The following UBE3B variants were observed in gnomAD, a reference collection of about 807,000 sequenced individuals.
The protein encoded by UBE3B is ubiquitin-protein ligase E3B.
UBE3B carries 80 observed loss-of-function variants against 132.3 expected under a neutral mutation model. The observed-to-expected ratio is 0.60, with a 90% CI of 0.50 to 0.73. The LOEUF is 0.73. Ranked by LOEUF, UBE3B falls within the 30% of genes least tolerant of loss-of-function variation. The probability of loss-of-function intolerance (pLI) is 0.00; values close to 1 mark genes in which losing one functional copy is unlikely to be tolerated. For missense variants in UBE3B, 1,196 were observed against 1,362.5 expected, an observed-to-expected ratio of 0.88 and a Z score of 1.92; for synonymous variants, 487 against 520.4, an observed-to-expected ratio of 0.94 and a Z score of 0.87.
rs1304422857 is a variant in UBE3B at position 109,511,304 on chromosome 12, G to A, written c.1956+1G>A. On this transcript the variant is annotated splice_donor_variant, in intron 18 of 27. Coordinates refer to ENST00000342494, the MANE Select transcript of UBE3B (RefSeq NM_130466.4). LOFTEE classifies it high-confidence loss of function. Reference sequence around the variant, plus strand: ...CCCACATGTCATCCCTCACAAAAACGTGAGTTGCACTCAGAGCTGGGCCCC... The same window carrying A: ...CCCACATGTCATCCCTCACAAAAACATGAGTTGCACTCAGAGCTGGGCCCC... 3 of 1,613,842 alleles carry A rather than the reference G, an allele frequency of 1.9e-6. No homozygotes were observed. The highest frequency in any genetic ancestry group is 1.1e-5 in the South Asian group (1 of 91,058).
rs1464779205 is a variant in UBE3B at position 109,501,357 on chromosome 12, C to G, written c.1119-14C>G. 1 of 1,613,756 alleles carries G rather than the reference C, an allele frequency of 6.2e-7. No individual in the cohort carries two copies. Among genetic ancestry groups the G allele is most frequent in the East Asian group, 2.2e-5 (1 of 44,892 alleles). ...ATGGAACTGACAGACCAGGTCTCCTCTGCTCTCTCCTAGCCTTAACGAGTC... is the reference window on the plus strand; with the variant it reads ...ATGGAACTGACAGACCAGGTCTCCTGTGCTCTCTCCTAGCCTTAACGAGTC... On this transcript the variant is annotated splice_polypyrimidine_tract_variant and intron_variant, in intron 12 of 27. Coordinates refer to ENST00000342494, the MANE Select transcript of UBE3B (RefSeq NM_130466.4).
chr12:109,496,600 T>A (rs1379013823), intron 9 of UBE3B, among the ~76,000 whole-genome samples: 1 of 152,274 alleles, frequency 6.6e-6, no homozygotes, highest in Non-Finnish European at 1.5e-5. Context: ...CAGGGGTATC[T>A]CACTGTTGTT....
At chr12:109,516,623 C>T (rs920846693) in intron 18 of UBE3B, 142 bp from the exon 19 acceptor site, 2 of 1,339,580 alleles carry the variant, frequency 1.5e-6, no homozygotes, top group African/African-American at 2.9e-5. Flanking sequence ...TCACAGGACA[C>T]TTCTAACTGG....
rs372494462 is a variant in UBE3B, at chr12:109,521,107, G to A, written c.2077-41G>A. 32 of 1,608,616 alleles carry A rather than the reference G, an allele frequency of 2.0e-5. No homozygotes were observed. The highest frequency in any genetic ancestry group is 2.6e-5 in the Non-Finnish European group (30 of 1,176,160). Reference sequence around the variant, plus strand: ...GGGAACCCCGAATTGTGTGCATAAGGCTTTGGGCTTCCTAATGGGCTGTAA... The same window carrying A: ...GGGAACCCCGAATTGTGTGCATAAGACTTTGGGCTTCCTAATGGGCTGTAA... On this transcript the variant is annotated intron_variant, in intron 19 of 27. Transcript: ENST00000342494. The surrounding 1 kb of genome is among the most constrained non-coding windows in gnomAD (Gnocchi z 4.2).
In UBE3B at chr12:109,534,432, G is replaced by T. The variant is rs1054768133; in HGVS notation, c.3016-159G>T. On this transcript the variant is annotated intron_variant, in intron 27 of 27. Transcript: ENST00000342494. The surrounding 1 kb of genome is among the most constrained non-coding windows in gnomAD (Gnocchi z 5.2). ...TCTGGAAGCCAGTCGTCTTGTGTCT[G>T]GGGCTTGACCTCGGGTAGTGGTGCC... is the stretch of plus-strand genomic sequence containing the variant. 1.4e-6 allele frequency: 2 copies of T among 1,424,114 alleles called. No individual in the cohort carries two copies. Among genetic ancestry groups the T allele is most frequent in the Non-Finnish European group, 1.8e-6 (2 of 1,092,202 alleles). The allele number at this position is 1,424,114 out of a possible 1,614,324, so 88.2% of individuals were successfully genotyped here. A position where few individuals can be genotyped will look rare whatever the true frequency, so the allele number is the denominator to read the frequency against.
chr12:109,503,577 T>C (rs1227846394), intron 14 of UBE3B, among the ~76,000 whole-genome samples: 2 of 152,132 alleles, frequency 1.3e-5, no homozygotes, highest in African/African-American at 4.8e-5. Flanking sequence ...AAAATAAATA[T>C]ATTTAAATTG....
chr12:109,507,793 C>A, intron 15 of UBE3B, 58 bp downstream of exon 15: 1 of 1,551,884 alleles, frequency 6.4e-7, no homozygotes, highest in Non-Finnish European at 8.8e-7. Context: ...GACCAAAATA[C>A]AGTGTCAGTA....
rs1017019186 is a variant in UBE3B at position 109,477,666 on chromosome 12, C to T, written c.-571C>T. Reference sequence around the variant, plus strand: ...GCGGGGCAAGATGGCGGTAGTGCGTCGGCTGCTGCCCCGGGTCTGGCAGAA... The same window carrying T: ...GCGGGGCAAGATGGCGGTAGTGCGTTGGCTGCTGCCCCGGGTCTGGCAGAA... On this transcript the variant is annotated 5_prime_UTR_variant, in exon 1 of 28. Transcript: ENST00000342494. 3.3e-5 allele frequency: 7 copies of T among 210,044 alleles called. No individual in the cohort carries two copies. Among genetic ancestry groups the T allele is most frequent in the Non-Finnish European group, 6.8e-5 (7 of 102,602 alleles). 13.0% of individuals were successfully genotyped at this position (210,044 alleles called of 1,614,324 possible). A position where few individuals can be genotyped will look rare whatever the true frequency, so the allele number is the denominator to read the frequency against.
chr12:109,533,388 G>A lies in UBE3B; in HGVS notation c.2923-78G>A, dbSNP rs149453671. The A allele has an allele frequency of 4.4e-4, 582 of 1,311,612 alleles. 7 individuals carry two copies. The East Asian group carries it at 0.01, about 23-fold the overall frequency. The allele number at this position is 1,311,612 out of a possible 1,614,324, so 81.2% of individuals were successfully genotyped here. A position where few individuals can be genotyped will look rare whatever the true frequency, so the allele number is the denominator to read the frequency against. On this transcript the variant is annotated intron_variant, in intron 26 of 27. Coordinates refer to ENST00000342494, the MANE Select transcript of UBE3B (RefSeq NM_130466.4). ...ACACGGTAACAGACAGAGCAAACAC[G>A]TGCTACACAGCTGCAAGGGCCCGTC...
chr12:109,532,691 T>A (rs978157086), intron 26 of UBE3B, among the ~76,000 whole-genome samples: 2 of 152,224 alleles, frequency 1.3e-5, no homozygotes, highest in African/African-American at 4.8e-5. Context: ...ACGCAGGGGC[T>A]GCCGCTTGGA....
chr12:109,498,188 C>CT, intron 10 of UBE3B, 45 bp from the exon 11 acceptor site: 1 of 1,609,216 alleles, frequency 6.2e-7, no homozygotes, highest in Non-Finnish European at 8.5e-7. Context: ...CTACAGGAAA[C>CT]TGTTTCTGGC....
the UBE3B span, among the ~76,000 whole-genome samples, chr12:109,544,855 G>A: frequency 1.3e-5 from 2 of 152,226 alleles, no homozygotes; most frequent in Non-Finnish European, 2.9e-5. Flanking sequence ...AACAGATTTT[G>A]CGAAATAAAC....
intron 15 of UBE3B, chr12:109,509,321 G>T: frequency 4.5e-6 from 1 of 223,642 alleles, no homozygotes; most frequent in Non-Finnish European, 8.7e-6. Flanking sequence ...TTGTTACATA[G>T]GTATACATGT....
intron 12 of UBE3B, among the ~76,000 whole-genome samples, chr12:109,501,110 A>G (rs1414703556): frequency 6.6e-6 from 1 of 152,204 alleles, no homozygotes. Context: ...GGTGGTAGCA[A>G]GTGTCTTCGA....
rs1034653528 is a variant in UBE3B, at chr12:109,521,992, A to G, written c.2364+441A>G. On this transcript the variant is annotated intron_variant, in intron 21 of 27. Coordinates refer to ENST00000342494, the MANE Select transcript of UBE3B (RefSeq NM_130466.4). The surrounding 1 kb of genome is among the most constrained non-coding windows in gnomAD (Gnocchi z 4.2). ...GGAGGGCAGCATTTTGTGGAGTTTG[A>G]TAGTTTTAAAATCTTGTGTTGTTTG... Among the ~76,000 whole-genome samples, 5 of 152,158 alleles carry G rather than the reference A, an allele frequency of 3.3e-5. No homozygotes were observed. The highest frequency in any genetic ancestry group is 7.2e-5 in the African/African-American group (3 of 41,426).
At chr12:109,487,146 G>A (rs1470772461) in intron 6 of UBE3B, among the ~76,000 whole-genome samples, 1 of 151,968 alleles carries the variant, frequency 6.6e-6, no homozygotes, top group Non-Finnish European at 1.5e-5. Flanking sequence ...GAGGCCTCCC[G>A]ACCAGTTCAA....
intron 9 of UBE3B, among the ~76,000 whole-genome samples, chr12:109,495,175 A>T (rs11830566): frequency 0.091 from 13,888 of 152,144 alleles, 1,496 homozygotes; most frequent in African/African-American, 0.26. Context: ...TATTTTCAGC[A>T]TTTCAGCTTC....
In UBE3B at chr12:109,526,409, G is replaced by C; in HGVS notation, c.2620G>C (p.Glu874Gln). 6.2e-7 allele frequency: 1 copy of C among 1,614,066 alleles called. No individual in the cohort carries two copies. The highest frequency in any genetic ancestry group is 8.5e-7 in the Non-Finnish European group (1 of 1,180,006). The change falls in exon 24 of 28, where the codon GAA becomes CAA. Residue 874 changes from glutamate to glutamine, a missense_variant. Glu to Gln is a conservative substitution (Grantham distance 29, BLOSUM62 2). Coordinates refer to ENST00000342494, the MANE Select transcript of UBE3B (RefSeq NM_130466.4). The part of the protein sequence containing the change: ...PGGKTIPVTN[E>Q]NKISYIHLMA... ...AGGGAAGACCATTCCTGTTACAAATGAAAATAAGTGAGTATAGCAATTAGG... is the reference window on the plus strand; with the variant it reads ...AGGGAAGACCATTCCTGTTACAAATCAAAATAAGTGAGTATAGCAATTAGG...
intron 1 of UBE3B, among the ~76,000 whole-genome samples, chr12:109,478,832 G>A (rs912627870): frequency 2.0e-5 from 3 of 152,202 alleles, no homozygotes; most frequent in African/African-American, 7.2e-5. Flanking sequence ...AGACAAGTTG[G>A]TTAAATAATC....
Sources: allele counts gnomAD v4.1 joint callset (sites outside exome capture counted in the v4.1 genomes callset), GRCh38; gene constraint gnomAD v4.1.1; non-coding constraint Gnocchi (gnomAD v3.1); transcripts MANE v1.5; gene names NCBI Gene and HGNC (gene_info 2026-07-23, HGNC 2026-07-21).